The following CACNA2D3 variants were observed in gnomAD, a reference collection of about 807,000 sequenced individuals.
CACNA2D3 encodes voltage-dependent calcium channel subunit alpha-2/delta-3.
In CACNA2D3, 60 loss-of-function variants were observed where a neutral mutation model predicts 160.6. The observed-to-expected ratio is 0.37, with a 90% CI of 0.30 to 0.46. The LOEUF (loss-of-function observed/expected upper bound fraction) is 0.46. Among genes scored for constraint, CACNA2D3 ranks in the 20% least tolerant of loss-of-function variants. CACNA2D3 has a pLI of 1.00. For missense variants in CACNA2D3, 1,205 were observed against 1,365.0 expected (o/e 0.88, Z 1.85); for synonymous variants, 558 against 492.9 (o/e 1.13, Z -1.75).
intron 27 of CACNA2D3, among the ~76,000 whole-genome samples, chr3:54,919,842 G>A (rs914354497): frequency 4.6e-5 from 7 of 152,206 alleles, no homozygotes; most frequent in South Asian, 2.1e-4. Flanking sequence ...CAGAGGTCAC[G>A]AGTGGATGAA....
chr3:54,960,210 A>C (rs2107044074), intron 27 of CACNA2D3, among the ~76,000 whole-genome samples: 1 of 152,314 alleles, frequency 6.6e-6, no homozygotes, highest in South Asian at 2.1e-4. Context: ...AGGCCTCCTC[A>C]GCAAAGAAAA....
chr3:54,828,796 G>T (rs909625447), intron 14 of CACNA2D3, among the ~76,000 whole-genome samples: 5 of 152,156 alleles, frequency 3.3e-5, no homozygotes, highest in African/African-American at 1.2e-4. Context: ...TCTCATGGAA[G>T]AATATGGAAT....
chr3:54,504,896 C>T (rs551254407), intron 5 of CACNA2D3, among the ~76,000 whole-genome samples: 6 of 152,144 alleles, frequency 3.9e-5, no homozygotes, highest in Non-Finnish European at 8.8e-5. Flanking sequence ...GTGTGTGTAG[C>T]CCTTAATACA....
chr3:54,600,888 T>G (rs150546353), intron 9 of CACNA2D3, among the ~76,000 whole-genome samples: 4 of 152,138 alleles, frequency 2.6e-5, no homozygotes, highest in African/African-American at 4.8e-5. Context: ...GAACCTGCAC[T>G]TGATCTCGTT....
chr3:54,143,754 C>CTCCCAAT (rs749274459), intron 2 of CACNA2D3, among the ~76,000 whole-genome samples: 109 of 152,134 alleles, frequency 7.2e-4, no homozygotes, highest in Non-Finnish European at 1.3e-3. Flanking sequence ...CTGCCTCGGC[C>CTCCCAAT]TCCCAAAGTG....
chr3:54,726,557 A>G (rs1449028119), intron 11 of CACNA2D3, among the ~76,000 whole-genome samples: 1 of 152,244 alleles, frequency 6.6e-6, no homozygotes, highest in African/African-American at 2.4e-5. Flanking sequence ...TACTGGTACC[A>G]AAACAGAGAT....
At chr3:54,955,496 G>A (rs902912335) in intron 27 of CACNA2D3, among the ~76,000 whole-genome samples, 11 of 152,154 alleles carry the variant, frequency 7.2e-5, no homozygotes, top group Non-Finnish European at 1.5e-4. Flanking sequence ...GTCAGATGAG[G>A]ATATTCCAAA....
intron 2 of CACNA2D3, among the ~76,000 whole-genome samples, chr3:54,182,578 G>T (rs1700803173): frequency 6.6e-6 from 1 of 152,156 alleles, no homozygotes; most frequent in Admixed American, 6.6e-5. Context: ...CACATCTAAT[G>T]TTTCTTCTGT....
At chr3:54,905,938 C>T (rs1413282777) in intron 27 of CACNA2D3, among the ~76,000 whole-genome samples, 1 of 152,114 alleles carries the variant, frequency 6.6e-6, no homozygotes, top group Non-Finnish European at 1.5e-5. Context: ...ATATATTGCA[C>T]CTACAGTGTT....
At chr3:54,364,253 G>A (rs1266089173) in intron 3 of CACNA2D3, among the ~76,000 whole-genome samples, 4 of 152,162 alleles carry the variant, frequency 2.6e-5, no homozygotes, top group Admixed American at 1.3e-4. Flanking sequence ...CTCAAACATT[G>A]CCTGAAACAT....
chr3:54,492,414 A>T (rs1404565874), intron 4 of CACNA2D3, among the ~76,000 whole-genome samples: 2 of 152,156 alleles, frequency 1.3e-5, no homozygotes, highest in African/African-American at 2.4e-5. Flanking sequence ...CTGTGCAACG[A>T]TAGGACCATG....
At chr3:54,522,870 C>A (rs1701665831) in intron 5 of CACNA2D3, among the ~76,000 whole-genome samples, 1 of 152,136 alleles carries the variant, frequency 6.6e-6, no homozygotes, top group African/African-American at 2.4e-5. Flanking sequence ...AAGTTTCTAA[C>A]ACATGAACTT....
intron 32 of CACNA2D3, 156 bp from the exon 33 acceptor site, chr3:55,007,634 C>A: frequency 1.7e-6 from 1 of 572,916 alleles, no homozygotes; most frequent in Non-Finnish European, 3.0e-6. Context: ...GATACAGTAT[C>A]CAACAATTTT....
intron 2 of CACNA2D3, among the ~76,000 whole-genome samples, chr3:54,231,418 A>T (rs550468571): frequency 6.6e-6 from 1 of 152,306 alleles, no homozygotes; most frequent in South Asian, 2.1e-4. Flanking sequence ...CGCTCTTTGA[A>T]GTGATGATTG....
intron 3 of CACNA2D3, among the ~76,000 whole-genome samples, chr3:54,327,411 C>CT (rs1167108686): frequency 1.3e-5 from 2 of 152,222 alleles, no homozygotes; most frequent in African/African-American, 2.4e-5. Context: ...TGTATCCTAA[C>CT]TTTCATGCTT....
chr3:54,633,680 T>G (rs897993155), intron 10 of CACNA2D3: 1 of 152,186 alleles, frequency 6.6e-6, no homozygotes, highest in Non-Finnish European at 1.5e-5. Context: ...TACAGGCTGG[T>G]TGGAGTTTTG....
chr3:54,516,862 A>G (rs1466415084), intron 5 of CACNA2D3, among the ~76,000 whole-genome samples: 3 of 152,096 alleles, frequency 2.0e-5, no homozygotes, highest in South Asian at 2.1e-4. Context: ...TAGCAAGACA[A>G]AGTGCCCCCA....
chr3:54,263,882 T>C (rs1324003249), intron 2 of CACNA2D3, among the ~76,000 whole-genome samples: 1 of 152,156 alleles, frequency 6.6e-6, no homozygotes, highest in African/African-American at 2.4e-5. Context: ...CTTTATATGG[T>C]CTTTGGCCTG....
chr3:54,905,896 C>A (rs572934333), intron 27 of CACNA2D3, among the ~76,000 whole-genome samples: 1 of 152,282 alleles, frequency 6.6e-6, no homozygotes, highest in South Asian at 2.1e-4. Flanking sequence ...TGATTCATTT[C>A]TTTATTTTTA....
Sources: allele counts gnomAD v4.1 joint callset (sites outside exome capture counted in the v4.1 genomes callset), GRCh38; gene constraint gnomAD v4.1.1; transcripts MANE v1.5; gene names NCBI Gene and HGNC (gene_info 2026-07-23, HGNC 2026-07-21).